The following LRP1B variants were observed in gnomAD, a reference collection of about 807,000 sequenced individuals.
The protein encoded by LRP1B is low-density lipoprotein receptor-related protein 1B.
Under a neutral mutation model 556.6 loss-of-function variants are expected in LRP1B, and 217 were observed. That is an observed-to-expected ratio of 0.39 (90% CI 0.35 to 0.44). The LOEUF (loss-of-function observed/expected upper bound fraction) is 0.44, where lower values mean the gene tolerates loss of function less well. LRP1B is among the 20% of genes least tolerant of loss of function. The pLI is 1.00. For missense variants in LRP1B, 5,053 were observed against 5,620.8 expected (o/e 0.90, Z 3.23); for synonymous variants, 2,047 against 1,865.8 (o/e 1.10, Z -2.50).
At position 140,233,030 on chromosome 2, in the gene LRP1B, A is replaced by T; in HGVS notation, c.*156T>A. 2.0e-6 allele frequency: 1 copy of T among 491,732 alleles called. No homozygotes were observed. The highest frequency in any genetic ancestry group is 4.8e-5 in the South Asian group (1 of 20,706). The allele number at this position is 491,732 out of a possible 1,614,324, so 30.5% of individuals were successfully genotyped here. On this transcript the variant is annotated 3_prime_UTR_variant, in exon 91 of 91. Transcript: ENST00000389484. Reference sequence around the variant, plus strand: ...AAATGGTCAATCAATAGTCATCAGCAAAAAATAAAACCCAAAAAACTCAGA... The same window carrying T: ...AAATGGTCAATCAATAGTCATCAGCTAAAAATAAAACCCAAAAAACTCAGA...
intron 5 of LRP1B, among the ~76,000 whole-genome samples, chr2:141,236,265 C>T (rs1034151972): frequency 1.3e-5 from 2 of 152,106 alleles, no homozygotes; most frequent in African/African-American, 2.4e-5. Flanking sequence ...AGGTAATTGA[C>T]ATATGCATTA....
intron 43 of LRP1B, among the ~76,000 whole-genome samples, chr2:140,569,588 C>T (rs1005501388): frequency 4.6e-5 from 7 of 151,636 alleles, no homozygotes; most frequent in Admixed American, 2.0e-4. Flanking sequence ...AAGATAGGCT[C>T]CAATAATAGA....
At chr2:140,492,739 T>A (rs750147225) in intron 56 of LRP1B, 46 bp from the exon 57 acceptor site, 2 of 1,286,190 alleles carry the variant, frequency 1.6e-6, no homozygotes, top group Non-Finnish European at 2.3e-6. Context: ...GTATGTATGC[T>A]TTTCCCCTTT....
intron 2 of LRP1B, among the ~76,000 whole-genome samples, chr2:141,497,272 G>A (rs68142404): frequency 0.27 from 41,374 of 151,834 alleles, 6,939 homozygotes; most frequent in East Asian, 0.61. Context: ...CTGGCATGAA[G>A]GACATTTCAA....
intron 35 of LRP1B, among the ~76,000 whole-genome samples, chr2:140,762,007 C>T (rs887421462): frequency 6.7e-6 from 1 of 148,674 alleles, no homozygotes; most frequent in African/African-American, 2.5e-5. Flanking sequence ...GATGATGATG[C>T]CTTCCCTAAC....
At chr2:141,450,709 A>G (rs1361395592) in intron 3 of LRP1B, among the ~76,000 whole-genome samples, 1 of 152,104 alleles carries the variant, frequency 6.6e-6, no homozygotes, top group Non-Finnish European at 1.5e-5. Context: ...GCACATAAAT[A>G]AATCTTCATT....
intron 2 of LRP1B, among the ~76,000 whole-genome samples, chr2:141,795,857 A>AAAATATATATATATATATATATAT (rs1491180183): frequency 3.9e-5 from 2 of 51,632 alleles, no homozygotes; most frequent in Non-Finnish European, 7.3e-5. Flanking sequence ...AACCAGGAGC[A>AAAATATATATATATATATATATAT]ATATATATAT....
At chr2:141,487,158 C>A (rs1292481303) in intron 2 of LRP1B, among the ~76,000 whole-genome samples, 1 of 152,130 alleles carries the variant, frequency 6.6e-6, no homozygotes, top group Non-Finnish European at 1.5e-5. Context: ...TATCCTTTAA[C>A]TATATACTGT....
chr2:140,911,811 C>T (rs1430248875), intron 21 of LRP1B, among the ~76,000 whole-genome samples: 1 of 151,862 alleles, frequency 6.6e-6, no homozygotes, highest in East Asian at 1.9e-4. Flanking sequence ...CATCACCAAT[C>T]CATGATGGCA....
intron 2 of LRP1B, among the ~76,000 whole-genome samples, chr2:141,778,865 G>T (rs756520138): frequency 3.3e-5 from 5 of 152,128 alleles, no homozygotes; most frequent in Non-Finnish European, 7.3e-5. Context: ...TTATAAGAAT[G>T]CTTTCGCTGT....
rs903283861 is a variant in LRP1B at position 141,991,624 on chromosome 2, A to G, written c.82+139024T>C. ...TCAGTAGCCTGTATACATCAGCCTTAAAAATCAATCTCAATAAATATTCCG... is the reference window on the plus strand; with the variant it reads ...TCAGTAGCCTGTATACATCAGCCTTGAAAATCAATCTCAATAAATATTCCG... On this transcript the variant is annotated intron_variant, in intron 1 of 90. Coordinates refer to ENST00000389484, the MANE Select transcript of LRP1B (RefSeq NM_018557.3). Among the ~76,000 whole-genome samples, 3 of 152,182 alleles carry G rather than the reference A, an allele frequency of 2.0e-5. No individual in the cohort carries two copies. The East Asian group carries it at 5.8e-4, about 29-fold the overall frequency.
intron 1 of LRP1B, among the ~76,000 whole-genome samples, chr2:142,066,368 A>G (rs1193926565): frequency 1.3e-5 from 2 of 151,504 alleles, no homozygotes. Flanking sequence ...CACATTCAAC[A>G]GTTTACATAG....
chr2:141,515,850 T>C (rs1295007648), intron 2 of LRP1B, among the ~76,000 whole-genome samples: 1 of 152,200 alleles, frequency 6.6e-6, no homozygotes, highest in Non-Finnish European at 1.5e-5. Context: ...CCAAGTGAAC[T>C]GTACTTAAGA....
At chr2:141,543,976 T>A (rs573550511) in intron 2 of LRP1B, among the ~76,000 whole-genome samples, 2 of 152,246 alleles carry the variant, frequency 1.3e-5, no homozygotes, top group East Asian at 3.9e-4. Context: ...AGGAGATGAA[T>A]TGGAAGAGTT....
chr2:141,076,386 T>A (rs1030442394), intron 7 of LRP1B, among the ~76,000 whole-genome samples: 3 of 152,184 alleles, frequency 2.0e-5, no homozygotes, highest in Admixed American at 2.0e-4. Flanking sequence ...GGCATTTTTC[T>A]GGCAAGAGGA....
intron 1 of LRP1B, among the ~76,000 whole-genome samples, chr2:141,895,317 A>G (rs1449856959): frequency 6.6e-6 from 1 of 152,164 alleles, no homozygotes; most frequent in Non-Finnish European, 1.5e-5. Flanking sequence ...GGCAGAAAAT[A>G]TTCTCTCAGA....
intron 41 of LRP1B, among the ~76,000 whole-genome samples, chr2:140,698,421 C>A (rs575540454): frequency 1.3e-5 from 2 of 151,996 alleles, no homozygotes; most frequent in Non-Finnish European, 2.9e-5. Flanking sequence ...CAATTGCGTT[C>A]ATCTAAATAG....
chr2:141,906,117 GTATT>G (rs1368251504), intron 1 of LRP1B, among the ~76,000 whole-genome samples: 2 of 151,426 alleles, frequency 1.3e-5, no homozygotes, highest in Non-Finnish European at 3.0e-5. Context: ...AAATAGAACT[GTATT>G]TATTTGAGGC....
At chr2:141,262,612 G>A (rs1684737991) in intron 3 of LRP1B, among the ~76,000 whole-genome samples, 1 of 151,998 alleles carries the variant, frequency 6.6e-6, no homozygotes, top group African/African-American at 2.4e-5. Flanking sequence ...TATGACTGAA[G>A]GTTCATCATT....
Sources: gnomAD v4.1 joint callset for allele counts (sites outside exome capture counted in the v4.1 genomes callset) on GRCh38, gnomAD v4.1.1 for gene constraint, MANE v1.5 for transcripts, NCBI Gene and HGNC (gene_info 2026-07-23, HGNC 2026-07-21) for gene names.